ABCA4: variants seen among roughly 807,000 people sequenced by gnomAD.
The protein encoded by ABCA4 is ATP binding cassette subfamily A member 4.
Under a neutral mutation model 263.7 loss-of-function variants are expected in ABCA4, and 196 were observed. The observed-to-expected ratio is 0.74, with a 90% CI of 0.66 to 0.84. ABCA4 has a LOEUF of 0.84. Ranked by LOEUF, ABCA4 falls within the 40% of genes least tolerant of loss-of-function variation. The pLI is 0.00. For synonymous variants in ABCA4, 1,133 were observed against 1,094.2 expected, an observed-to-expected ratio of 1.04 and a Z score of -0.70; for missense variants, 2,792 against 2,855.1, an observed-to-expected ratio of 0.98 and a Z score of 0.50.
intron 11 of ABCA4, among the ~76,000 whole-genome samples, chr1:94,074,591 G>T (rs1262713615): frequency 6.6e-6 from 1 of 152,204 alleles, no homozygotes; most frequent in Admixed American, 6.5e-5. Context: ...CAGAATGAGA[G>T]AAAATTTTTG....
Position 94,034,889 on chromosome 1 carries a change from A to G in ABCA4, c.3862+1851T>C, listed in dbSNP as rs1660300492. Among the ~76,000 whole-genome samples, 3 of 152,344 alleles carry G rather than the reference A, an allele frequency of 2.0e-5. No individual in the cohort carries two copies. The South Asian group carries it at 6.2e-4, about 32-fold the overall frequency. On this transcript the variant is annotated intron_variant, in intron 26 of 49. Transcript: ENST00000370225. The stretch of plus-strand genomic sequence containing the variant: ...TTAATCAGTGATCGTATACTGTGTT[A>G]TAAGTCGGCAAGCATTAACTCACTT...
At chr1:94,098,757 A>T (rs1307037362) in intron 6 of ABCA4, 37 bp downstream of exon 6, 2 of 1,608,854 alleles carry the variant, frequency 1.2e-6, no homozygotes, top group Admixed American at 1.7e-5. Flanking sequence ...CCCAGGAATC[A>T]CCTTGCAATT....
chr1:94,107,406 AAGTGGGATCC>A (rs1662466217), intron 4 of ABCA4, among the ~76,000 whole-genome samples: 2 of 152,196 alleles, frequency 1.3e-5, no homozygotes, highest in South Asian at 4.1e-4. Flanking sequence ...CTGCTCTTGC[AAGTGGGATCC>A]AGTGGCCATG....
intron 11 of ABCA4, among the ~76,000 whole-genome samples, chr1:94,071,432 C>A (rs1238502209): frequency 6.6e-6 from 1 of 152,194 alleles, no homozygotes; most frequent in African/African-American, 2.4e-5. Context: ...CCAGAGAATA[C>A]TTTCTGAGCC....
chr1:94,039,939 G>A (rs1420033001), intron 24 of ABCA4, 104 bp downstream of exon 24: 1 of 934,976 alleles, frequency 1.1e-6, no homozygotes, highest in Non-Finnish European at 1.7e-6. Flanking sequence ...GAAGTACCCA[G>A]TGTTCTCTTT....
chr1:94,031,835 C>T lies in ABCA4; in HGVS notation c.4071G>A (p.Ala1357=), dbSNP rs766134402. 26 of 1,614,016 alleles carry T rather than the reference C, an allele frequency of 1.6e-5. No individual in the cohort carries two copies. Among genetic ancestry groups the T allele is most frequent in the Middle Eastern group, 3.3e-4 (2 of 6,024 alleles). Residue 1357 remains alanine, a synonymous_variant, in exon 27 of 50, where the codon GCG becomes GCA. Coordinates refer to ENST00000370225, the MANE Select transcript of ABCA4 (RefSeq NM_000350.3). The part of the protein sequence containing the change: ...GTQLVLQHVQ[A]LLVKRFQHTI... Reference sequence around the variant, plus strand: ...TGTGTTGGAATCTCTTGACCAGCAGCGCCTGCACATGCTGGAGGACCAGCT... The same window carrying T: ...TGTGTTGGAATCTCTTGACCAGCAGTGCCTGCACATGCTGGAGGACCAGCT...
Position 94,024,125 on chromosome 1 carries a change from C to T in ABCA4, c.4635-707G>A, listed in dbSNP as rs544203141. Among the ~76,000 whole-genome samples, 9 of 152,254 alleles carry T rather than the reference C, an allele frequency of 5.9e-5. No individual in the cohort carries two copies. In the East Asian group the frequency reaches 1.7e-3, roughly 29 times the overall value. On this transcript the variant is annotated intron_variant, in intron 31 of 49. Coordinates refer to ENST00000370225, the MANE Select transcript of ABCA4 (RefSeq NM_000350.3). ...ATGCTTTCACCATTTGCAGTGTGTT[C>T]TAGTTAATTAAGTCAATTTATCCCT...
chr1:94,056,473 C>A, intron 15 of ABCA4, 128 bp downstream of exon 15: 1 of 1,025,392 alleles, frequency 9.8e-7, no homozygotes, highest in Non-Finnish European at 1.5e-6. Flanking sequence ...TTTAGCCTCA[C>A]GTGAACTTTT....
At chr1:94,023,997 G>T (rs1889407) in intron 31 of ABCA4, among the ~76,000 whole-genome samples, 81,220 of 152,046 alleles carry the variant, frequency 0.53, 21,894 homozygotes, top group Middle Eastern at 0.61. Flanking sequence ...TTTCATACTG[G>T]AGATTTGCTG....
chr1:94,078,063 G>T (rs898298471), intron 10 of ABCA4, among the ~76,000 whole-genome samples, 176 bp from the exon 11 acceptor site: 1 of 152,174 alleles, frequency 6.6e-6, no homozygotes, highest in Non-Finnish European at 1.5e-5. Context: ...ATTTCCCCAA[G>T]TCCATGGGTC....
Position 94,111,516 on chromosome 1 carries a change from C to T in ABCA4, c.224G>A (p.Cys75Tyr), listed in dbSNP as rs1264338576. Reference protein sequence around the residue: ...GMLPWLQGIFCNVNNPCFQSP... With the variant: ...GMLPWLQGIFYNVNNPCFQSP... ...TTGAAAACAGGGATTGTTCACATTG[C>T]AGAAGATCCCCTGGAGCCACGGCAG... is the stretch of plus-strand genomic sequence containing the variant. The change falls in exon 3 of 50, where the codon TGC (cysteine) becomes TAC (tyrosine). Residue 75 changes from cysteine (C) to tyrosine (Y), a missense_variant. Coordinates refer to ENST00000370225, the MANE Select transcript of ABCA4 (RefSeq NM_000350.3). The T allele has an allele frequency of 1.2e-6, 2 of 1,614,036 alleles. No homozygotes were observed. The highest frequency in any genetic ancestry group is 1.7e-6 in the Non-Finnish European group (2 of 1,180,000).
chr1:94,044,737 G>C lies in ABCA4; in HGVS notation c.2926C>G (p.Leu976Val). The C allele has an allele frequency of 2.5e-6, 4 of 1,614,206 alleles. No individual in the cohort carries two copies. The highest frequency in any genetic ancestry group is 3.4e-6 in the Non-Finnish European group (4 of 1,180,028). ...GAGGTTGGTGGCAACAGACCCGTCAGGATGGACCTGCAGAACACAGGCGTC... is the reference window on the plus strand; with the variant it reads ...GAGGTTGGTGGCAACAGACCCGTCACGATGGACCTGCAGAACACAGGCGTC... Reference protein sequence around the residue: ...GAGKTTTLSILTGLLPPTSGT... With the variant: ...GAGKTTTLSIVTGLLPPTSGT... Residue 976 changes from leucine to valine, a missense_variant, in exon 20 of 50, where the codon CTG becomes GTG. Transcript: ENST00000370225.
chr1:94,022,971 A>G (rs1025520011), intron 32 of ABCA4, among the ~76,000 whole-genome samples: 1 of 152,102 alleles, frequency 6.6e-6, no homozygotes, highest in Admixed American at 6.5e-5. Flanking sequence ...AAATATTTCA[A>G]CCTCCAGGAT....
chr1:94,080,771 T>G, intron 7 of ABCA4, 53 bp from the exon 8 acceptor site: 1 of 1,612,332 alleles, frequency 6.2e-7, no homozygotes, highest in Non-Finnish European at 8.5e-7. Context: ...AGTCATAATC[T>G]GCTGTGAGGC....
Position 94,008,136 on chromosome 1 carries a change from A to C in ABCA4, c.5898+99T>G. 2 of 1,097,584 alleles carry C rather than the reference A, an allele frequency of 1.8e-6. 1 individual carries two copies. Among genetic ancestry groups the C allele is most frequent in the Middle Eastern group, 3.9e-4 (2 of 5,110 alleles). 68.0% of individuals were successfully genotyped at this position (1,097,584 alleles called of 1,614,324 possible). On this transcript the variant is annotated intron_variant, in intron 42 of 49. Coordinates refer to ENST00000370225, the MANE Select transcript of ABCA4 (RefSeq NM_000350.3). ...TTACATATGTGACTTGCATTATGGC[A>C]TTATGTTCCTATTGAATAGCTCTGC... is the stretch of plus-strand genomic sequence containing the variant.
intron 19 of ABCA4, chr1:94,045,876 T>A (rs1278897183): frequency 2.8e-5 from 13 of 456,180 alleles, no homozygotes; most frequent in Non-Finnish European, 5.7e-5. Flanking sequence ...GGTCCGTGTC[T>A]GCTGCTCCTT....
chr1:93,998,400 G>A (rs1010004309), intron 47 of ABCA4, among the ~76,000 whole-genome samples: 2 of 152,172 alleles, frequency 1.3e-5, no homozygotes, highest in Non-Finnish European at 2.9e-5. Flanking sequence ...AGGATCACTT[G>A]AGCATAGGAG....
intron 11 of ABCA4, among the ~76,000 whole-genome samples, chr1:94,070,637 G>A (rs1338632747): frequency 2.0e-5 from 3 of 152,268 alleles, no homozygotes; most frequent in Admixed American, 6.5e-5. Context: ...GTGCGGAGGC[G>A]TATAAACAAA....
chr1:93,998,905 A>ATTTT lies in ABCA4; in HGVS notation c.6480-799_6480-796dup, dbSNP rs11370620. Among the ~76,000 whole-genome samples, 115 of 135,788 alleles carry ATTTT rather than the reference A, an allele frequency of 8.5e-4. 1 individual carries two copies. Among genetic ancestry groups the ATTTT allele is most frequent in the Middle Eastern group, 3.9e-3 (1 of 258 alleles). The allele number at this position is 135,788 out of a possible 152,430, so 89.1% of individuals were successfully genotyped here. ...AGGCACCTGCCACCACACTCGGCTAATTTTTTTTTTTTTTTTTGTATTTTT... is the reference window on the plus strand; with the variant it reads ...AGGCACCTGCCACCACACTCGGCTAATTTTTTTTTTTTTTTTTTTTTGTATTTTT... On this transcript the variant is annotated intron_variant, in intron 47 of 49. Coordinates refer to ENST00000370225, the MANE Select transcript of ABCA4 (RefSeq NM_000350.3).
Sources: gnomAD v4.1 joint callset for allele counts (sites outside exome capture counted in the v4.1 genomes callset) on GRCh38, gnomAD v4.1.1 for gene constraint, MANE v1.5 for transcripts, NCBI Gene and HGNC (gene_info 2026-07-23, HGNC 2026-07-21) for gene names.